Variants in TMCO5A observed in about 807,000 individuals in gnomAD.
TMCO5A encodes the protein transmembrane and coiled-coil domains 5A.
Under a neutral mutation model 42.3 loss-of-function variants are expected in TMCO5A, and 34 were observed. The observed-to-expected ratio is 0.80, with a 90% CI of 0.61 to 1.07. The LOEUF is 1.07. Ranked by LOEUF, TMCO5A falls within the 50% of genes least tolerant of loss-of-function variation. The probability of loss-of-function intolerance (pLI) is 0.00; values close to 1 mark genes in which losing one functional copy is unlikely to be tolerated. For synonymous variants in TMCO5A, 131 were observed against 115.6 expected (o/e 1.13, Z -0.86); for missense variants, 357 against 327.9 (o/e 1.09, Z -0.69).
the TMCO5A span, among the ~76,000 whole-genome samples, chr15:37,980,190 G>A: frequency 6.6e-6 from 1 of 151,818 alleles, no homozygotes; most frequent in African/African-American, 2.4e-5. Flanking sequence ...TAGGCTGGTG[G>A]GGTGCAGTGG....
the TMCO5A span, among the ~76,000 whole-genome samples, chr15:38,030,193 C>T: frequency 2.6e-5 from 4 of 152,160 alleles, no homozygotes; most frequent in Non-Finnish European, 4.4e-5. Context: ...GCCCTGTGGG[C>T]GATTCCCAGT....
chr15:38,020,794 ATAAGT>A, the TMCO5A span, among the ~76,000 whole-genome samples: 1 of 152,170 alleles, frequency 6.6e-6, no homozygotes, highest in Non-Finnish European at 1.5e-5. Flanking sequence ...ATAAATAAAA[ATAAGT>A]TAACTAGTAA....
chr15:37,997,572 T>C, the TMCO5A span, among the ~76,000 whole-genome samples: 5 of 152,320 alleles, frequency 3.3e-5, no homozygotes, highest in Admixed American at 6.5e-5. Context: ...TAGTACTCCA[T>C]AGTATGTATG....
chr15:37,952,316 G>A (rs1566920902), downstream of TMCO5A, among the ~76,000 whole-genome samples: 2 of 151,980 alleles, frequency 1.3e-5, no homozygotes, highest in Admixed American at 6.6e-5. Flanking sequence ...AAAAGAGACC[G>A]TTTCCGACTG....
chr15:37,941,846 C>T (rs1889758423), intron 8 of TMCO5A, 116 bp downstream of exon 8: 1 of 861,618 alleles, frequency 1.2e-6, no homozygotes, highest in African/African-American at 1.7e-5. Context: ...GGTGGCACTA[C>T]TAGGATACTT....
the TMCO5A span, among the ~76,000 whole-genome samples, chr15:37,985,200 G>A: frequency 6.6e-6 from 1 of 152,072 alleles, no homozygotes; most frequent in African/African-American, 2.4e-5. Flanking sequence ...TTCTCTCAAA[G>A]AAGTCAATAA....
the TMCO5A span, among the ~76,000 whole-genome samples, chr15:38,026,166 C>G: frequency 1.3e-5 from 2 of 152,106 alleles, no homozygotes; most frequent in Admixed American, 6.6e-5. Context: ...GAGGTTGGAA[C>G]AGTTTTGAGG....
chr15:37,995,858 AAC>A, the TMCO5A span, among the ~76,000 whole-genome samples: 11 of 152,162 alleles, frequency 7.2e-5, no homozygotes, highest in African/African-American at 2.4e-4. Flanking sequence ...AAAAAAAACA[AAC>A]AAACAAACAA....
the TMCO5A span, among the ~76,000 whole-genome samples, chr15:38,029,236 C>G: frequency 1.3e-5 from 2 of 152,004 alleles, no homozygotes; most frequent in African/African-American, 4.8e-5. Context: ...ACCCCCAGTG[C>G]CGGTTGGGTG....
At chr15:37,958,058 T>C (rs1251107071) in intron 11 of TMCO5A, among the ~76,000 whole-genome samples, 1 of 152,126 alleles carries the variant, frequency 6.6e-6, no homozygotes, top group Non-Finnish European at 1.5e-5. Flanking sequence ...TGAAACTGGA[T>C]CCCTTCCTTA....
At chr15:37,986,380 G>GGTGTGTGTGTGTGTGTGTGTGT in the TMCO5A span, among the ~76,000 whole-genome samples, 1 of 139,212 alleles carries the variant, frequency 7.2e-6, no homozygotes, top group Non-Finnish European at 1.6e-5. Context: ...GGTAAGGGAT[G>GGTGTGTGTGTGTGTGTGTGTGT]GTGTGTGTGT....
intron 11 of TMCO5A, among the ~76,000 whole-genome samples, chr15:37,958,483 GA>G (rs1331955122): frequency 2.6e-5 from 4 of 152,096 alleles, no homozygotes; most frequent in South Asian, 2.1e-4. Context: ...CAACAAACAT[GA>G]AAAAAAGCTA....
chr15:38,033,559 A>ATTTTTT, the TMCO5A span, among the ~76,000 whole-genome samples: 6 of 145,486 alleles, frequency 4.1e-5, no homozygotes, highest in African/African-American at 1.5e-4. Context: ...TTCTCCCTCC[A>ATTTTTT]TTTTTTTTTT....
intron 11 of TMCO5A, among the ~76,000 whole-genome samples, chr15:37,961,893 C>A (rs900142709): frequency 1.3e-5 from 2 of 152,022 alleles, no homozygotes; most frequent in East Asian, 3.8e-4. Flanking sequence ...AATCTTGTAT[C>A]CGGAAACTTT....
At chr15:37,972,558 T>A (rs538128601), downstream of TMCO5A, among the ~76,000 whole-genome samples, 19 of 152,378 alleles carry the variant, frequency 1.2e-4, no homozygotes, top group Admixed American at 3.9e-4. Flanking sequence ...TTTTTTCATA[T>A]GCTTCTTGAC....
chr15:37,979,532 G>T, the TMCO5A span, among the ~76,000 whole-genome samples: 1 of 152,266 alleles, frequency 6.6e-6, no homozygotes, highest in South Asian at 2.1e-4. Flanking sequence ...ACACATTGTG[G>T]GTTTAGAACC....
Position 37,936,303 on chromosome 15 carries a change from T to A in TMCO5A, c.-10-11T>A, listed in dbSNP as rs747451204. On this transcript the variant is annotated splice_polypyrimidine_tract_variant and intron_variant, in intron 2 of 11. Transcript: ENST00000319669. ...ACTGGCCCTTGTTCATTTTGGGGGC[T>A]GAGTCTATAGGTCGGAGAAAATGGA... 1 of 1,597,256 alleles carries A rather than the reference T, an allele frequency of 6.3e-7. No individual in the cohort carries two copies. The highest frequency in any genetic ancestry group is 1.8e-5 in the Admixed American group (1 of 55,778).
intron 11 of TMCO5A, among the ~76,000 whole-genome samples, chr15:37,958,776 C>T (rs1890352311): frequency 6.6e-6 from 1 of 152,092 alleles, no homozygotes; most frequent in Non-Finnish European, 1.5e-5. Flanking sequence ...TGGGTATATA[C>T]CCAATGGACT....
At chr15:38,028,838 T>C in the TMCO5A span, among the ~76,000 whole-genome samples, 1 of 152,106 alleles carries the variant, frequency 6.6e-6, no homozygotes, top group Non-Finnish European at 1.5e-5. Context: ...GTGCACTTGA[T>C]GCAAAATAGT....
Sources: allele counts gnomAD v4.1 joint callset (sites outside exome capture counted in the v4.1 genomes callset), GRCh38; gene constraint gnomAD v4.1.1; transcripts MANE v1.5; gene names NCBI Gene and HGNC (gene_info 2026-07-23, HGNC 2026-07-21).